The following ZNF837 variants were observed in gnomAD, a reference collection of about 807,000 sequenced individuals.
ZNF837 encodes the protein zinc finger protein 837.
For missense variants in ZNF837, 955 were observed against 801.7 expected, an observed-to-expected ratio of 1.19 and a Z score of -2.31; for synonymous variants, 475 against 365.2, an observed-to-expected ratio of 1.30 and a Z score of -3.43.
intron 1 of ZNF837, 54 bp from the exon 2 acceptor site, chr19:58,369,982 C>T (rs2052185167): frequency 6.6e-6 from 1 of 152,224 alleles, no homozygotes; most frequent in African/African-American, 2.4e-5. Flanking sequence ...GGGAGACAGG[C>T]AGCCCAGATC....
chr19:58,375,286 A>AG (rs1568568336), intron 1 of ZNF837, among the ~76,000 whole-genome samples: 1 of 61,530 alleles, frequency 1.6e-5, no homozygotes, highest in African/African-American at 4.7e-5. Context: ...ATATATATAT[A>AG]TATATATATA....
chr19:58,377,208 C>A (rs1437411430), intron 1 of ZNF837, among the ~76,000 whole-genome samples: 1 of 131,872 alleles, frequency 7.6e-6, no homozygotes, highest in East Asian at 2.1e-4. Flanking sequence ...CAGAGCGAGA[C>A]TCCGTCAAAA....
Position 58,368,292 on chromosome 19 carries a change from G to A in ZNF837, c.1041C>T (p.Tyr347=). ...FRLGCPPCGD[Y]SERSPRRGSG... ...ACCCCCGTCGGGGACTCCGCTCGCTGTAGTCCCCGCAGGGCGGGCACCCCA... is the reference window on the plus strand; with the variant it reads ...ACCCCCGTCGGGGACTCCGCTCGCTATAGTCCCCGCAGGGCGGGCACCCCA... The change falls in exon 3 of 3, where the codon TAC becomes TAT. Residue 347 remains tyrosine (Y), a synonymous_variant. Coordinates refer to ENST00000597582, the MANE Select transcript of ZNF837 (RefSeq NM_138466.2). 1 of 1,484,144 alleles carries A rather than the reference G, an allele frequency of 6.7e-7. No homozygotes were observed. Among genetic ancestry groups the A allele is most frequent in the Non-Finnish European group, 8.9e-7 (1 of 1,125,396 alleles). The allele number at this position is 1,484,144 out of a possible 1,614,324, so 91.9% of individuals were successfully genotyped here.
At position 58,367,789 on chromosome 19, in the gene ZNF837, C is replaced by T. The variant is rs560569593; in HGVS notation, c.1544G>A (p.Arg515His). The T allele has an allele frequency of 3.9e-6, 6 of 1,536,166 alleles. No individual in the cohort carries two copies. Among genetic ancestry groups the T allele is most frequent in the African/African-American group, 1.4e-5 (1 of 72,926 alleles). Reference protein sequence around the residue: ...CGDCGRAFSQRSNLNEHRKRH... With the variant: ...CGDCGRAFSQHSNLNEHRKRH... ...CTTCCGGTGCTCGTTGAGGTTGGAG[C>T]GTTGGCTGAAGGCGCGGCCGCAATC... is the stretch of plus-strand genomic sequence containing the variant. Residue 515 changes from arginine to histidine, a missense_variant, in exon 3 of 3, where the codon CGC becomes CAC. By Grantham distance (29) the Arg-to-His change is conservative (BLOSUM62 0). Coordinates refer to ENST00000597582, the MANE Select transcript of ZNF837 (RefSeq NM_138466.2).
At chr19:58,370,054 C>G (rs933745555) in intron 1 of ZNF837, 126 bp from the exon 2 acceptor site, 5 of 152,238 alleles carry the variant, frequency 3.3e-5, no homozygotes, top group Non-Finnish European at 7.3e-5. Context: ...TAAAATTACA[C>G]TGTGGCTGTA....
chr19:58,379,858 G>A (rs1288451152), intron 1 of ZNF837, among the ~76,000 whole-genome samples: 1 of 152,204 alleles, frequency 6.6e-6, no homozygotes, highest in African/African-American at 2.4e-5. Context: ...CGCCAGGCAC[G>A]GTGGTGCATG....
chr19:58,379,289 G>A (rs1308792181), intron 1 of ZNF837, among the ~76,000 whole-genome samples: 1 of 152,156 alleles, frequency 6.6e-6, no homozygotes, highest in Admixed American at 6.5e-5. Context: ...CAGCATCTTC[G>A]GATTGGTCCC....
intron 1 of ZNF837, among the ~76,000 whole-genome samples, chr19:58,375,318 A>G (rs1473313349): frequency 1.2e-4 from 15 of 127,468 alleles, no homozygotes; most frequent in African/African-American, 4.3e-4. Context: ...ATATAAAATT[A>G]CATATATACT....
At chr19:58,371,370 T>C (rs2052200601) in intron 1 of ZNF837, among the ~76,000 whole-genome samples, 1 of 152,160 alleles carries the variant, frequency 6.6e-6, no homozygotes, top group South Asian at 2.1e-4. Flanking sequence ...ATTGGGCCAC[T>C]GCCCTCCAGC....
chr19:58,370,041 T>C (rs1337391499), intron 1 of ZNF837, 113 bp from the exon 2 acceptor site: 2 of 152,228 alleles, frequency 1.3e-5, no homozygotes, highest in Non-Finnish European at 2.9e-5. Context: ...GCTATTACTA[T>C]TTTAAAATTA....
At chr19:58,370,715 G>A (rs2052192449) in intron 1 of ZNF837, among the ~76,000 whole-genome samples, 1 of 151,684 alleles carries the variant, frequency 6.6e-6, no homozygotes, top group Non-Finnish European at 1.5e-5. Flanking sequence ...GACCAACATA[G>A]AGAAACCCCG....
intron 1 of ZNF837, among the ~76,000 whole-genome samples, chr19:58,373,976 C>T (rs1037195013): frequency 3.3e-5 from 5 of 152,260 alleles, no homozygotes; most frequent in Admixed American, 6.5e-5. Context: ...ATGGGGCTCC[C>T]CCACTGCAGG....
intron 1 of ZNF837, among the ~76,000 whole-genome samples, chr19:58,376,399 C>CA (rs1465221470): frequency 6.7e-6 from 1 of 150,258 alleles, no homozygotes; most frequent in Admixed American, 6.6e-5. Context: ...AAAAAAAATA[C>CA]AAAAAATTAG....
intron 1 of ZNF837, among the ~76,000 whole-genome samples, chr19:58,375,349 G>T (rs1354985702): frequency 5.5e-5 from 7 of 127,700 alleles, no homozygotes; most frequent in Middle Eastern, 4.9e-3. Context: ...TATTTATATA[G>T]AATGTAAATA....
rs1289706267 is a variant in ZNF837, at chr19:58,367,657, TTGG to T, written c.*77_*79del. ...TGAAGTTTAATCAAAGTTACAAACG[TTGG>T]TGGGTTTTCCGGGACAAAGGCCCCT... is the stretch of plus-strand genomic sequence containing the variant. On this transcript the variant is annotated 3_prime_UTR_variant, in exon 3 of 3. Coordinates refer to ENST00000597582, the MANE Select transcript of ZNF837 (RefSeq NM_138466.2). 4 of 1,420,654 alleles carry T rather than the reference TTGG, an allele frequency of 2.8e-6. No individual in the cohort carries two copies. The highest frequency in any genetic ancestry group is 2.9e-5 in the African/African-American group (2 of 68,026). The allele number at this position is 1,420,654 out of a possible 1,614,324, so 88.0% of individuals were successfully genotyped here. A position where few individuals can be genotyped will look rare whatever the true frequency, so the allele number is the denominator to read the frequency against.
rs754112549 is a variant in ZNF837, at chr19:58,367,974, T to G, written c.1359A>C (p.Gly453=). The change falls in exon 3 of 3, where the codon GGA becomes GGC. Residue 453 remains glycine, a synonymous_variant. Coordinates refer to ENST00000597582, the MANE Select transcript of ZNF837 (RefSeq NM_138466.2). ...GERPYGCSEC[G]KTFRGCSELR... is the part of the protein sequence containing the mutation. Reference sequence around the variant, plus strand: ...GCTCGGAGCAGCCGCGGAAGGTCTTTCCGCACTCGGAGCAGCCATAGGGCC... The same window carrying G: ...GCTCGGAGCAGCCGCGGAAGGTCTTGCCGCACTCGGAGCAGCCATAGGGCC... 10 of 1,531,110 alleles carry G rather than the reference T, an allele frequency of 6.5e-6. No homozygotes were observed. In the South Asian group the frequency reaches 1.1e-4, roughly 16 times the overall value. The allele number at this position is 1,531,110 out of a possible 1,614,324, so 94.8% of individuals were successfully genotyped here.
At chr19:58,374,293 T>C (rs1381259862) in intron 1 of ZNF837, among the ~76,000 whole-genome samples, 1 of 152,186 alleles carries the variant, frequency 6.6e-6, no homozygotes, top group Non-Finnish European at 1.5e-5. Flanking sequence ...AAGCCAAGTA[T>C]ATAAAATGAC....
intron 1 of ZNF837, among the ~76,000 whole-genome samples, chr19:58,376,620 A>G (rs1889322767): frequency 6.7e-6 from 1 of 150,258 alleles, no homozygotes; most frequent in African/African-American, 2.4e-5. Context: ...AAAAAAAAAG[A>G]GAAAAACAAG....
intron 2 of ZNF837, 73 bp from the exon 3 acceptor site, chr19:58,369,434 G>C: frequency 8.0e-7 from 1 of 1,250,918 alleles, no homozygotes; most frequent in South Asian, 2.8e-5. Context: ...GCCAACGAGC[G>C]ACCACCCCAC....
Sources: gnomAD v4.1 joint callset for allele counts (sites outside exome capture counted in the v4.1 genomes callset) on GRCh38, gnomAD v4.1.1 for gene constraint, MANE v1.5 for transcripts, NCBI Gene and HGNC (gene_info 2026-07-23, HGNC 2026-07-21) for gene names.